Variants in LRRFIP1 observed in about 807,000 individuals in gnomAD.
LRRFIP1 encodes the protein leucine-rich repeat flightless-interacting protein 1.
A neutral mutation model predicts 104.4 loss-of-function variants in LRRFIP1; 62 were observed. The observed-to-expected ratio is 0.59, with a 90% CI of 0.48 to 0.73. LRRFIP1 has a LOEUF of 0.73. Ranked by LOEUF, LRRFIP1 falls within the 30% of genes least tolerant of loss-of-function variation. The probability of loss-of-function intolerance (pLI) is 0.00; values close to 1 mark genes in which losing one functional copy is unlikely to be tolerated. For synonymous variants in LRRFIP1, 300 were observed against 299.0 expected, an observed-to-expected ratio of 1.00 and a Z score of -0.03; for missense variants, 796 against 824.5, an observed-to-expected ratio of 0.97 and a Z score of 0.42.
At position 237,691,121 on chromosome 2, in the gene LRRFIP1, G is replaced by A. The variant is rs1166752133; in HGVS notation, c.97-17423G>A. Among the ~76,000 whole-genome samples the A allele has an allele frequency of 6.6e-6, 1 of 151,840 alleles. No homozygotes were observed. Among genetic ancestry groups the A allele is most frequent in the African/African-American group, 2.4e-5 (1 of 41,094 alleles). ...TCACGTTACCAAGTTGGGTCAGCGT[G>A]CAGAGAAAAGGGAATTGGGAATTGG... On this transcript the variant is annotated intron_variant, in intron 1 of 23. Coordinates refer to ENST00000308482, the MANE Select transcript of LRRFIP1 (RefSeq NM_001137550.2). This position sits in a 1 kb window ranked among gnomAD's most constrained non-coding sequence, Gnocchi z 5.4.
chr2:237,648,215 C>G (rs1209229408), intron 1 of LRRFIP1, among the ~76,000 whole-genome samples: 1 of 151,870 alleles, frequency 6.6e-6, no homozygotes, highest in African/African-American at 2.4e-5. Flanking sequence ...AGCCCTAGCC[C>G]TTCCCCTAGC....
At chr2:237,752,947 G>A (rs2058808807) in intron 14 of LRRFIP1, among the ~76,000 whole-genome samples, 1 of 152,198 alleles carries the variant, frequency 6.6e-6, no homozygotes. Flanking sequence ...TCAGAAATCT[G>A]TTGAACAGCC....
At chr2:237,695,588 G>A (rs1209318423) in intron 1 of LRRFIP1, among the ~76,000 whole-genome samples, 3 of 152,114 alleles carry the variant, frequency 2.0e-5, no homozygotes, top group Non-Finnish European at 1.5e-5. Flanking sequence ...ATATCTGCTC[G>A]TATTTAAAGG....
At chr2:237,743,809 C>T (rs530555174) in intron 11 of LRRFIP1, among the ~76,000 whole-genome samples, 15 of 152,194 alleles carry the variant, frequency 9.9e-5, no homozygotes, top group African/African-American at 2.4e-4. Flanking sequence ...AGAGGTTTGA[C>T]GGCCAGAGCT....
chr2:237,730,212 A>C (rs995455505), intron 8 of LRRFIP1, among the ~76,000 whole-genome samples: 1 of 152,260 alleles, frequency 6.6e-6, no homozygotes. Context: ...TGAAGAGTAC[A>C]TGCAAACTTT....
chr2:237,764,902 T>C (rs1367710198), intron 19 of LRRFIP1: 30 of 985,608 alleles, frequency 3.0e-5, no homozygotes, highest in Middle Eastern at 5.2e-4. Flanking sequence ...TTAAAGTTTT[T>C]TTCTGGAAGT....
Position 237,749,339 on chromosome 2 carries a change from T to C in LRRFIP1, c.795+15T>C, listed in dbSNP as rs1182736438. 50 of 1,612,830 alleles carry C rather than the reference T, an allele frequency of 3.1e-5. No individual in the cohort carries two copies. Among genetic ancestry groups the C allele is most frequent in the Non-Finnish European group, 4.2e-5 (49 of 1,179,810 alleles). ...GGGAAATCAAGGTGAGATGCTCTCT[T>C]CTTACTGACAACTTGAGAGAACCTT... is the stretch of plus-strand genomic sequence containing the variant. On this transcript the variant is annotated intron_variant, in intron 13 of 23. Transcript: ENST00000308482.
At chr2:237,647,678 GA>G (rs879410763) in intron 1 of LRRFIP1, among the ~76,000 whole-genome samples, 16,940 of 146,504 alleles carry the variant, frequency 0.12, 1,890 homozygotes, top group Non-Finnish European at 0.18. Context: ...GAGGGAGCAG[GA>G]GCAGGGTCAC....
At chr2:237,648,883 T>G (rs2085422383) in intron 1 of LRRFIP1, among the ~76,000 whole-genome samples, 1 of 151,916 alleles carries the variant, frequency 6.6e-6, no homozygotes, top group Admixed American at 6.6e-5. Flanking sequence ...CTTTCTCAAG[T>G]TCCTGAAAGC....
chr2:237,734,213 T>G (rs112700342), intron 9 of LRRFIP1, among the ~76,000 whole-genome samples: 1,793 of 152,130 alleles, frequency 0.012, 39 homozygotes, highest in African/African-American at 0.042. Context: ...TATAAGTACT[T>G]ATGCTATGCA....
Position 237,774,460 on chromosome 2 carries a change from G to A in LRRFIP1, c.1810G>A (p.Glu604Lys). The A allele has an allele frequency of 6.2e-7, 1 of 1,606,246 alleles. No homozygotes were observed. Among genetic ancestry groups the A allele is most frequent in the African/African-American group, 1.3e-5 (1 of 74,888 alleles). The change falls in exon 23 of 24, where the codon GAG becomes AAG. Residue 604 changes from glutamate (E) to lysine (K), a missense_variant and splice_region_variant. By Grantham distance (56) the Glu-to-Lys change is moderately conservative. Coordinates refer to ENST00000308482, the MANE Select transcript of LRRFIP1 (RefSeq NM_001137550.2). ...LKAEKRKLQRELRSALDKTEE... is the reference protein window; with the variant it reads ...LKAEKRKLQRKLRSALDKTEE... ...GGCAGAAAAACGGAAACTCCAAAGA[G>A]AGGTAAATTTCCTAGGCAATTTCTA... is the stretch of plus-strand genomic sequence containing the variant.
chr2:237,662,638 T>C (rs963159092), intron 1 of LRRFIP1, among the ~76,000 whole-genome samples: 1 of 152,064 alleles, frequency 6.6e-6, no homozygotes, highest in Non-Finnish European at 1.5e-5. Flanking sequence ...ATAATCCCTA[T>C]AACTGGGACA....
rs773143957 is a variant in LRRFIP1 at position 237,779,476 on chromosome 2, G to A, written c.1867G>A (p.Val623Met). 5 of 1,613,768 alleles carry A rather than the reference G, an allele frequency of 3.1e-6. No homozygotes were observed. Among genetic ancestry groups the A allele is most frequent in the Non-Finnish European group, 4.2e-6 (5 of 1,179,774 alleles). ...EELEVSNGHLVKRLEKMKANR... is the reference protein window; with the variant it reads ...EELEVSNGHLMKRLEKMKANR... ...GCTCGAGGTGAGCAACGGCCACTTA[G>A]TGAAGCGTCTGGAAAAAATGAAAGC... The change falls in exon 24 of 24, where the codon GTG (valine) becomes ATG (methionine). Residue 623 changes from valine to methionine, a missense_variant. Coordinates refer to ENST00000308482, the MANE Select transcript of LRRFIP1 (RefSeq NM_001137550.2).
intron 8 of LRRFIP1, among the ~76,000 whole-genome samples, chr2:237,730,686 A>G (rs562630347): frequency 6.6e-6 from 1 of 152,364 alleles, no homozygotes; most frequent in Admixed American, 6.5e-5. Flanking sequence ...CGGGAGGCCG[A>G]GGTGGGCAGA....
At chr2:237,678,153 CA>C (rs1245273047) in intron 1 of LRRFIP1, among the ~76,000 whole-genome samples, 1 of 152,048 alleles carries the variant, frequency 6.6e-6, no homozygotes, top group African/African-American at 2.4e-5. Context: ...AGTTCAAGTC[CA>C]GCTGTCTAGA....
chr2:237,660,240 CAGAA>C (rs991099220), intron 1 of LRRFIP1, among the ~76,000 whole-genome samples: 1 of 152,190 alleles, frequency 6.6e-6, no homozygotes, highest in African/African-American at 2.4e-5. Flanking sequence ...GGCTCTAAAA[CAGAA>C]AGAAGTCCAA....
At position 237,769,943 on chromosome 2, in the gene LRRFIP1, A is replaced by C; in HGVS notation, c.1460A>C (p.Asp487Ala). 3 of 1,600,234 alleles carry C rather than the reference A, an allele frequency of 1.9e-6. No homozygotes were observed. The highest frequency in any genetic ancestry group is 1.7e-4 in the Middle Eastern group (1 of 6,034). ...ALKSTGDGTLDIRLKKLVDER... is the reference protein window; with the variant it reads ...ALKSTGDGTLAIRLKKLVDER... ...ACCTGTGTCTTTGTGATTTCTTTAGATATTAGGTTGAAAAAGCTGGTTGAT... is the reference window on the plus strand; with the variant it reads ...ACCTGTGTCTTTGTGATTTCTTTAGCTATTAGGTTGAAAAAGCTGGTTGAT... The change falls in exon 20 of 24, where the codon GAT becomes GCT. Residue 487 changes from aspartate to alanine, a missense_variant and splice_region_variant. Physicochemically the swap from Asp to Ala is moderately radical, Grantham distance 126. Transcript: ENST00000308482.
intron 1 of LRRFIP1, among the ~76,000 whole-genome samples, chr2:237,690,715 C>A (rs1405788763): frequency 7.2e-6 from 1 of 139,828 alleles, no homozygotes; most frequent in African/African-American, 2.8e-5. Context: ...CCAGCCTGGG[C>A]GACAGAGCGA....
chr2:237,733,910 C>T (rs536304344), intron 9 of LRRFIP1, 92 bp downstream of exon 9: 52 of 1,376,438 alleles, frequency 3.8e-5, no homozygotes, highest in African/African-American at 2.4e-4. Context: ...GTGCCTGTTC[C>T]CAGCCCCCTG....
Sources: gnomAD v4.1 joint callset for allele counts (sites outside exome capture counted in the v4.1 genomes callset) on GRCh38, gnomAD v4.1.1 for gene constraint, Gnocchi (gnomAD v3.1) non-coding constraint, MANE v1.5 for transcripts, NCBI Gene and HGNC (gene_info 2026-07-23, HGNC 2026-07-21) for gene names.